RHBDD1: variants seen among roughly 807,000 people sequenced by gnomAD.
The protein encoded by RHBDD1 is rhomboid-related protein 4.
A neutral mutation model predicts 36.3 loss-of-function variants in RHBDD1; 38 were observed. The observed-to-expected ratio is 1.05, with a 90% CI of 0.81 to 1.37. RHBDD1 has a LOEUF of 1.37. Ranked by LOEUF, RHBDD1 falls within the 40% of genes most tolerant of loss-of-function variation. The pLI is 0.00. For missense variants in RHBDD1, 393 were observed against 377.6 expected, an observed-to-expected ratio of 1.04 and a Z score of -0.34; for synonymous variants, 151 against 136.5, an observed-to-expected ratio of 1.11 and a Z score of -0.74.
At chr2:226,986,176 G>C (rs1956909586) in intron 8 of RHBDD1, among the ~76,000 whole-genome samples, 1 of 152,134 alleles carries the variant, frequency 6.6e-6, no homozygotes, top group Non-Finnish European at 1.5e-5. Flanking sequence ...AGACTGTCAA[G>C]GTCATGGGGG....
At chr2:226,938,266 G>A (rs527566994) in intron 8 of RHBDD1, among the ~76,000 whole-genome samples, 247 of 151,892 alleles carry the variant, frequency 1.6e-3, no homozygotes, top group African/African-American at 5.8e-3. Context: ...CATGTCCTTT[G>A]CCCACTTTTT....
At chr2:226,929,748 AGAC>A (rs1477209212) in intron 8 of RHBDD1, among the ~76,000 whole-genome samples, 1 of 151,974 alleles carries the variant, frequency 6.6e-6, no homozygotes, top group Non-Finnish European at 1.5e-5. Context: ...AAAACCCAAA[AGAC>A]GACTCCAAAA....
chr2:226,839,705 T>A (rs1477456827), intron 3 of RHBDD1, 78 bp downstream of exon 3: 1 of 151,382 alleles, frequency 6.6e-6, no homozygotes, highest in Non-Finnish European at 1.5e-5. Flanking sequence ...TGGCTTCTCA[T>A]GCAGAGGAGT....
At chr2:226,961,382 T>A (rs148979647) in intron 8 of RHBDD1, among the ~76,000 whole-genome samples, 311 of 152,350 alleles carry the variant, frequency 2.0e-3, no homozygotes, top group Admixed American at 3.0e-3. Flanking sequence ...CCACATGTTT[T>A]CTCTCATCAC....
At chr2:226,921,483 C>G (rs930201353) in intron 8 of RHBDD1, among the ~76,000 whole-genome samples, 9 of 151,954 alleles carry the variant, frequency 5.9e-5, no homozygotes, top group African/African-American at 2.2e-4. Flanking sequence ...TATAAACTTC[C>G]CTCTTAGTCC....
chr2:226,920,254 A>C (rs1306599798), intron 8 of RHBDD1, among the ~76,000 whole-genome samples: 1 of 151,970 alleles, frequency 6.6e-6, no homozygotes, highest in Non-Finnish European at 1.5e-5. Flanking sequence ...TATATCCTGC[A>C]ACTTTCCTGA....
intron 2 of RHBDD1, among the ~76,000 whole-genome samples, chr2:226,838,382 G>A (rs1283295116): frequency 1.3e-5 from 2 of 152,004 alleles, no homozygotes; most frequent in African/African-American, 4.8e-5. Context: ...TCTCCTCATC[G>A]GAGAGGCAGA....
rs892416932 is a variant in RHBDD1, at chr2:226,839,606, C to A, written c.-112C>A. 1 of 151,958 alleles carries A rather than the reference C, an allele frequency of 6.6e-6. No individual in the cohort carries two copies. The highest frequency in any genetic ancestry group is 1.5e-5 in the Non-Finnish European group (1 of 68,000). 9.4% of individuals were successfully genotyped at this position (151,958 alleles called of 1,614,324 possible). On this transcript the variant is annotated 5_prime_UTR_variant, in exon 3 of 9. Coordinates refer to ENST00000392062, the MANE Select transcript of RHBDD1 (RefSeq NM_001167608.3). ...CTCAGGGCATGAGCTATACCTAAAA[C>A]GTAATGGTATTAAGAATTCTGGTAA... is the stretch of plus-strand genomic sequence containing the variant.
the RHBDD1 span, among the ~76,000 whole-genome samples, chr2:226,801,491 C>T: frequency 6.6e-6 from 1 of 152,336 alleles, no homozygotes; most frequent in South Asian, 2.1e-4. Flanking sequence ...CTCCTCCCCA[C>T]CCAAGCCTGG....
At chr2:226,864,366 A>G (rs1422978784) in intron 3 of RHBDD1, among the ~76,000 whole-genome samples, 6 of 152,218 alleles carry the variant, frequency 3.9e-5, no homozygotes, top group Non-Finnish European at 8.8e-5. Flanking sequence ...AGAGAAAAAC[A>G]TACCTGTCCA....
At chr2:226,959,969 C>G (rs1952064060) in intron 8 of RHBDD1, among the ~76,000 whole-genome samples, 1 of 152,098 alleles carries the variant, frequency 6.6e-6, no homozygotes, top group Admixed American at 6.6e-5. Context: ...ACTACAGGCA[C>G]CTGCCACCAT....
rs75823514 is a variant in RHBDD1 at position 226,995,542 on chromosome 2, A to G, written c.*20A>G. The G allele has an allele frequency of 1.2e-3, 1,824 of 1,529,470 alleles. 21 individuals carry two copies. The African/African-American group carries it at 0.022, about 18-fold the overall frequency. The allele number at this position is 1,529,470 out of a possible 1,614,324, so 94.7% of individuals were successfully genotyped here. On this transcript the variant is annotated 3_prime_UTR_variant, in exon 9 of 9. Transcript: ENST00000392062. ...CAGTGAGGTGGCATCTTGGGAAGAC[A>G]TGGCCTATTCGTGTAATTATTGCCC...
intron 6 of RHBDD1, 184 bp from the exon 7 acceptor site, chr2:226,908,638 G>T: frequency 1.8e-6 from 1 of 563,172 alleles, no homozygotes; most frequent in East Asian, 3.0e-5. Context: ...TCCCTGTAGG[G>T]ACACACACAC....
chr2:226,871,787 G>A (rs1281449378), intron 5 of RHBDD1, among the ~76,000 whole-genome samples: 1 of 152,182 alleles, frequency 6.6e-6, no homozygotes, highest in Non-Finnish European at 1.5e-5. Flanking sequence ...ATACTCCATA[G>A]GGATGATACA....
the RHBDD1 span, among the ~76,000 whole-genome samples, chr2:226,822,658 T>G: frequency 3.9e-4 from 52 of 133,232 alleles, no homozygotes; most frequent in East Asian, 1.7e-3. Flanking sequence ...AAAAAGAAAA[T>G]AAATGTTTGG....
At chr2:226,991,891 T>G (rs1958299175) in intron 8 of RHBDD1, among the ~76,000 whole-genome samples, 1 of 152,158 alleles carries the variant, frequency 6.6e-6, no homozygotes, top group South Asian at 2.1e-4. Flanking sequence ...AAGCATCTTG[T>G]GAAGGGTGTC....
At chr2:226,851,795 A>G (rs1277695912) in intron 3 of RHBDD1, among the ~76,000 whole-genome samples, 1 of 152,176 alleles carries the variant, frequency 6.6e-6, no homozygotes, top group Non-Finnish European at 1.5e-5. Context: ...CATTTCCTAA[A>G]TCTGCAGTTC....
chr2:226,859,604 T>C lies in RHBDD1; in HGVS notation c.-90-5000T>C, dbSNP rs996224360. 2.0e-5 allele frequency among the ~76,000 whole-genome samples: 3 copies of C among 152,172 alleles called. No individual in the cohort carries two copies. In the East Asian group the frequency reaches 5.8e-4, roughly 29 times the overall value. On this transcript the variant is annotated intron_variant, in intron 3 of 8. Transcript: ENST00000392062. The stretch of plus-strand genomic sequence containing the variant: ...GATCCTGTGGTAGCTCTGGGTGTTG[T>C]TGGTGATCAAAACGGAGAAGGTTAT...
intron 8 of RHBDD1, among the ~76,000 whole-genome samples, chr2:226,948,602 A>G (rs368139445): frequency 3.4e-5 from 1 of 29,144 alleles, no homozygotes; most frequent in Non-Finnish European, 6.5e-5. Context: ...AAATAAAAAT[A>G]AAAAAAAATA....
Sources: allele counts gnomAD v4.1 joint callset (sites outside exome capture counted in the v4.1 genomes callset), GRCh38; gene constraint gnomAD v4.1.1; transcripts MANE v1.5; gene names NCBI Gene and HGNC (gene_info 2026-07-23, HGNC 2026-07-21).